Variants in CTIF observed in about 807,000 individuals in gnomAD.
The protein encoded by CTIF is CBP80/20-dependent translation initiation factor.
Under a neutral mutation model 66.0 loss-of-function variants are expected in CTIF, and 21 were observed. That is an observed-to-expected ratio of 0.32 (90% CI 0.23 to 0.46). CTIF has a LOEUF of 0.46. CTIF is among the 20% of genes least tolerant of loss of function. CTIF has a pLI of 1.00. For synonymous variants in CTIF, 345 were observed against 326.4 expected (o/e 1.06, Z -0.62); for missense variants, 739 against 812.7 (o/e 0.91, Z 1.10).
chr18:48,724,151 C>T (rs72911648), intron 7 of CTIF, among the ~76,000 whole-genome samples: 5,632 of 152,224 alleles, frequency 0.037, 152 homozygotes, highest in Non-Finnish European at 0.056. Context: ...ATGGGGTTGC[C>T]CATTCTTTCC....
chr18:48,781,443 A>C (rs1033952646), intron 9 of CTIF, among the ~76,000 whole-genome samples: 2 of 152,196 alleles, frequency 1.3e-5, no homozygotes, highest in African/African-American at 4.8e-5. Context: ...GGAGGCAGCC[A>C]GGCTGGAAGA....
intron 7 of CTIF, among the ~76,000 whole-genome samples, chr18:48,742,219 A>G (rs922709915): frequency 2.0e-5 from 3 of 152,234 alleles, no homozygotes; most frequent in African/African-American, 2.4e-5. Context: ...CTCCTCAAGA[A>G]CCAAGAGAAG....
At chr18:48,777,244 C>A (rs144877752) in intron 9 of CTIF, among the ~76,000 whole-genome samples, 2 of 152,206 alleles carry the variant, frequency 1.3e-5, no homozygotes, top group African/African-American at 4.8e-5. Flanking sequence ...GTGGGCAGGG[C>A]GGCCTGCAGG....
At chr18:48,608,469 G>A (rs2144254889) in intron 1 of CTIF, among the ~76,000 whole-genome samples, 1 of 149,942 alleles carries the variant, frequency 6.7e-6, no homozygotes, top group East Asian at 2.0e-4. Context: ...GGACAAGGCG[G>A]TCATCGAAAG....
At chr18:48,744,274 C>A (rs762878862) in intron 7 of CTIF, among the ~76,000 whole-genome samples, 1 of 152,168 alleles carries the variant, frequency 6.6e-6, no homozygotes, top group African/African-American at 2.4e-5. Flanking sequence ...TGCAGCAGGA[C>A]CCCCTTGTGT....
intron 1 of CTIF, among the ~76,000 whole-genome samples, chr18:48,587,467 A>T (rs1456570643): frequency 6.6e-6 from 1 of 151,868 alleles, no homozygotes; most frequent in Non-Finnish European, 1.5e-5. Flanking sequence ...CACTGTGGGC[A>T]TCATGGTGTT....
intron 7 of CTIF, among the ~76,000 whole-genome samples, chr18:48,730,670 G>A (rs571348765): frequency 8.4e-5 from 12 of 142,560 alleles, no homozygotes; most frequent in African/African-American, 2.6e-4. Context: ...CGGTGTGAGG[G>A]GCTTCTGCGG....
chr18:48,813,559 T>C (rs371665298), intron 9 of CTIF, among the ~76,000 whole-genome samples: 2 of 152,180 alleles, frequency 1.3e-5, no homozygotes, highest in South Asian at 2.1e-4. Flanking sequence ...TTAGGCAGAG[T>C]CTCCCTCTCA....
intron 10 of CTIF, among the ~76,000 whole-genome samples, chr18:48,842,753 G>C (rs769092592): frequency 6.6e-6 from 1 of 152,226 alleles, no homozygotes; most frequent in Non-Finnish European, 1.5e-5. Context: ...TGGGTTTCTC[G>C]ATTAATTTCC....
chr18:48,723,863 C>G (rs971953518), intron 7 of CTIF, among the ~76,000 whole-genome samples: 2 of 152,162 alleles, frequency 1.3e-5, no homozygotes, highest in Admixed American at 6.5e-5. Context: ...AAGGTGGCCT[C>G]TATTACAGTT....
At chr18:48,766,153 T>A (rs1050156471) in intron 9 of CTIF, among the ~76,000 whole-genome samples, 2 of 136,768 alleles carry the variant, frequency 1.5e-5, no homozygotes, top group African/African-American at 5.5e-5. Context: ...CCAAGCATGT[T>A]GTCTTTATTA....
intron 3 of CTIF, among the ~76,000 whole-genome samples, chr18:48,655,110 C>T (rs1275165078): frequency 6.6e-6 from 1 of 151,680 alleles, no homozygotes; most frequent in Non-Finnish European, 1.5e-5. Context: ...TACCCTAGAA[C>T]TTAAAGTATA....
chr18:48,807,587 T>TG (rs1210060187), intron 9 of CTIF, among the ~76,000 whole-genome samples: 2 of 102,604 alleles, frequency 1.9e-5, no homozygotes, highest in African/African-American at 8.1e-5. Flanking sequence ...TGTGTTTTTT[T>TG]TTTTTTTTTT....
At chr18:48,687,996 A>G (rs2091870089) in intron 6 of CTIF, among the ~76,000 whole-genome samples, 1 of 151,940 alleles carries the variant, frequency 6.6e-6, no homozygotes, top group African/African-American at 2.4e-5. Context: ...CTTGTGTAGA[A>G]CTTCTGGTAG....
intron 1 of CTIF, among the ~76,000 whole-genome samples, chr18:48,542,768 C>T (rs558524415): frequency 1.4e-4 from 22 of 152,298 alleles, no homozygotes; most frequent in East Asian, 1.2e-3. Flanking sequence ...CAGAAGGAAG[C>T]GATGGGGAAA....
chr18:48,804,880 T>A (rs1361655264), intron 9 of CTIF, among the ~76,000 whole-genome samples: 1 of 152,068 alleles, frequency 6.6e-6, no homozygotes, highest in African/African-American at 2.4e-5. Context: ...CACCGTCCAG[T>A]CCCCAGCATC....
In CTIF at chr18:48,721,695, C is replaced by T. The variant is rs138360308; in HGVS notation, c.584+10000C>T. On this transcript the variant is annotated intron_variant, in intron 7 of 11. Coordinates refer to ENST00000256413, the MANE Select transcript of CTIF (RefSeq NM_014772.3). ...ATTAGATGCCATGTGATGGCAGATACGAGGGAAGTCCTGACCCTGTGTGCG... is the reference window on the plus strand; with the variant it reads ...ATTAGATGCCATGTGATGGCAGATATGAGGGAAGTCCTGACCCTGTGTGCG... 2.4e-3 allele frequency among the ~76,000 whole-genome samples: 366 copies of T among 152,256 alleles called. 3 individuals are homozygous for T. Among genetic ancestry groups the T allele is most frequent in the African/African-American group, 8.1e-3 (338 of 41,538 alleles).
chr18:48,756,057 C>G (rs1568191144), intron 7 of CTIF: 2 of 152,156 alleles, frequency 1.3e-5, no homozygotes, highest in Non-Finnish European at 2.9e-5. Flanking sequence ...AAACGGAGCC[C>G]CAACAAAAGT....
chr18:48,693,745 G>A (rs953419577), intron 6 of CTIF, among the ~76,000 whole-genome samples: 1 of 152,206 alleles, frequency 6.6e-6, no homozygotes, highest in Non-Finnish European at 1.5e-5. Flanking sequence ...CACGCGCCAA[G>A]TCCAGCCCTC....
Sources: gnomAD v4.1 joint callset for allele counts (sites outside exome capture counted in the v4.1 genomes callset) on GRCh38, gnomAD v4.1.1 for gene constraint, MANE v1.5 for transcripts, NCBI Gene and HGNC (gene_info 2026-07-23, HGNC 2026-07-21) for gene names.